HEATR1: variants seen among roughly 807,000 people sequenced by gnomAD.
HEATR1 encodes HEAT repeat containing 1.
Under a neutral mutation model 248.2 loss-of-function variants are expected in HEATR1, and 77 were observed. That is an observed-to-expected ratio of 0.31 (90% CI 0.26 to 0.37). HEATR1 has a LOEUF of 0.37. Among genes scored for constraint, HEATR1 ranks in the 10% least tolerant of loss-of-function variants. HEATR1 has a pLI of 1.00. For missense variants in HEATR1, 2,420 were observed against 2,504.9 expected (o/e 0.97, Z 0.72); for synonymous variants, 897 against 923.1 (o/e 0.97, Z 0.51).
rs752471097 is a variant in HEATR1, at chr1:236,550,989, A to G, written c.6348T>C (p.Asp2116=). The stretch of plus-strand genomic sequence containing the variant: ...ACTGATGTTCTACTTCTTCACATTC[A>G]TCTAAAAAAAAAAAAAAAAAATCAA... ...SIPFLAELME[D]ECEEVEHQCQ... Residue 2116 remains aspartate (D), a splice_region_variant and synonymous_variant, in exon 45 of 45, where the codon GAT becomes GAC. Transcript: ENST00000366582. The G allele has an allele frequency of 1.4e-6, 2 of 1,418,416 alleles. No homozygotes were observed. Among genetic ancestry groups the G allele is most frequent in the South Asian group, 1.3e-5 (1 of 77,442 alleles). 87.9% of individuals were successfully genotyped at this position (1,418,416 alleles called of 1,614,324 possible). A position where few individuals can be genotyped will look rare whatever the true frequency, so the allele number is the denominator to read the frequency against.
chr1:236,568,942 G>A (rs1044291816), intron 29 of HEATR1, 54 bp downstream of exon 29: 15 of 1,221,176 alleles, frequency 1.2e-5, no homozygotes, highest in African/African-American at 3.3e-5. Flanking sequence ...TCATTTATAT[G>A]CAAAATTTTT....
chr1:236,570,449 A>G (rs550063765), intron 28 of HEATR1, among the ~76,000 whole-genome samples: 108 of 152,118 alleles, frequency 7.1e-4, no homozygotes, highest in African/African-American at 2.3e-3. Flanking sequence ...GGTGGTGGTC[A>G]TGGTGGTGGT....
chr1:236,580,808 C>T lies in HEATR1; in HGVS notation c.2755+414G>A, dbSNP rs1223952158. On this transcript the variant is annotated intron_variant, in intron 20 of 44. Coordinates refer to ENST00000366582, the MANE Select transcript of HEATR1 (RefSeq NM_018072.6). ...CTGAGACTATAGGTGTAAGCCACCT[C>T]GCCTGGCCTTTATCGATTTTTTTTT... Among the ~76,000 whole-genome samples, 10 of 144,160 alleles carry T rather than the reference C, an allele frequency of 6.9e-5. No individual in the cohort carries two copies. The East Asian group carries it at 1.2e-3, about 17-fold the overall frequency. The allele number at this position is 144,160 out of a possible 152,430, so 94.6% of individuals were successfully genotyped here. A position where few individuals can be genotyped will look rare whatever the true frequency, so the allele number is the denominator to read the frequency against.
chr1:236,549,059 G>T lies in HEATR1; in HGVS notation c.*1843C>A. 2.5e-6 allele frequency: 1 copy of T among 398,488 alleles called. No individual in the cohort carries two copies. Among genetic ancestry groups the T allele is most frequent in the Admixed American group, 4.4e-5 (1 of 22,730 alleles). 24.7% of individuals were successfully genotyped at this position (398,488 alleles called of 1,614,324 possible). On this transcript the variant is annotated 3_prime_UTR_variant, in exon 45 of 45. Transcript: ENST00000366582. ...AAGTAAGGTCAGGATTAGACTTCAG[G>T]CATTCATAAGGCAGGCACTATCAGA... is the stretch of plus-strand genomic sequence containing the variant.
chr1:236,570,921 T>A (rs1389055296), intron 28 of HEATR1, among the ~76,000 whole-genome samples: 3 of 152,238 alleles, frequency 2.0e-5, no homozygotes, highest in Admixed American at 6.5e-5. Flanking sequence ...GGGACATGAT[T>A]TCTTTAAATG....
chr1:236,576,738 A>G, intron 21 of HEATR1, 42 bp downstream of exon 21: 1 of 1,554,426 alleles, frequency 6.4e-7, no homozygotes, highest in Non-Finnish European at 8.7e-7. Context: ...TCCAGTACAC[A>G]GAGGCATGAA....
chr1:236,570,036 T>C (rs1052393624), intron 28 of HEATR1, among the ~76,000 whole-genome samples: 14 of 152,060 alleles, frequency 9.2e-5, no homozygotes, highest in Non-Finnish European at 2.9e-5. Flanking sequence ...CGCCTGTAGT[T>C]CCAGCACTTT....
chr1:236,604,304 G>T (rs1489257054), intron 1 of HEATR1, 118 bp downstream of exon 1: 3 of 467,674 alleles, frequency 6.4e-6, no homozygotes, highest in Non-Finnish European at 1.1e-5. Flanking sequence ...TTACAGTAGC[G>T]GCGACCGCGC....
Position 236,572,841 on chromosome 1 carries a change from AG to A in HEATR1, c.3460-14del. ...CATTAACGGAAATCTGAAATATTGA[AG>A]GAAGAAGAGTTGATGATATAATCCA... On this transcript the variant is annotated splice_polypyrimidine_tract_variant and intron_variant, in intron 24 of 44. Coordinates refer to ENST00000366582, the MANE Select transcript of HEATR1 (RefSeq NM_018072.6). The A allele has an allele frequency of 1.9e-6, 3 of 1,600,734 alleles. No individual in the cohort carries two copies. The highest frequency in any genetic ancestry group is 2.6e-6 in the Non-Finnish European group (3 of 1,167,998).
At position 236,565,076 on chromosome 1, in the gene HEATR1, CACCACATAT is replaced by C. The variant is rs533328396; in HGVS notation, c.4436-424_4436-416del. On this transcript the variant is annotated intron_variant, in intron 31 of 44. Transcript: ENST00000366582. ...TGCTAAGACACTTCCTTACCCACATCACCACATATACCACATACACCACATACTGTCCAG... is the reference window on the plus strand; with the variant it reads ...TGCTAAGACACTTCCTTACCCACATCACCACATACACCACATACTGTCCAG... Among the ~76,000 whole-genome samples the C allele has an allele frequency of 2.0e-3, 302 of 152,308 alleles. 1 individual carries two copies. Among genetic ancestry groups the C allele is most frequent in the Non-Finnish European group, 3.3e-3 (224 of 68,026 alleles).
intron 4 of HEATR1, among the ~76,000 whole-genome samples, chr1:236,598,925 T>C (rs1043192633): frequency 6.6e-6 from 1 of 152,210 alleles, no homozygotes; most frequent in African/African-American, 2.4e-5. Flanking sequence ...AATAGCATGC[T>C]GTCTTTTCTT....
At chr1:236,555,694 C>G in intron 39 of HEATR1, 39 bp from the exon 40 acceptor site, 3 of 1,608,036 alleles carry the variant, frequency 1.9e-6, no homozygotes, top group Non-Finnish European at 2.6e-6. Context: ...GTGCTGATAC[C>G]TGACTGTAAA....
intron 3 of HEATR1, among the ~76,000 whole-genome samples, chr1:236,600,010 G>A (rs981877600): frequency 2.0e-5 from 3 of 151,314 alleles, no homozygotes; most frequent in East Asian, 3.9e-4. Flanking sequence ...CTCCCACCTA[G>A]GTCTCCTGAG....
intron 28 of HEATR1, among the ~76,000 whole-genome samples, chr1:236,570,468 T>C (rs1159532933): frequency 2.0e-5 from 3 of 151,930 alleles, no homozygotes; most frequent in Non-Finnish European, 4.4e-5. Flanking sequence ...GTGGTGGTGC[T>C]GGTGGTGACG....
chr1:236,595,190 A>G (rs2794752), intron 8 of HEATR1, among the ~76,000 whole-genome samples: 93,310 of 151,970 alleles, frequency 0.61, 30,412 homozygotes, highest in East Asian at 0.72. Flanking sequence ...GATATTCATT[A>G]TAAATGAATC....
chr1:236,582,257 A>G (rs1013857901), intron 19 of HEATR1, among the ~76,000 whole-genome samples: 2 of 151,590 alleles, frequency 1.3e-5, no homozygotes, highest in Non-Finnish European at 2.9e-5. Flanking sequence ...GGAGCCCGCC[A>G]CCACACCCGG....
rs1197587030 is a variant in HEATR1 at position 236,555,961 on chromosome 1, G to C, written c.5515-22C>G. On this transcript the variant is annotated intron_variant, in intron 38 of 44. Coordinates refer to ENST00000366582, the MANE Select transcript of HEATR1 (RefSeq NM_018072.6). ...GATTCTACCAATAACACAGGAAAGAGATGTGCCATTTTCAAATGATTCCTA... is the reference window on the plus strand; with the variant it reads ...GATTCTACCAATAACACAGGAAAGACATGTGCCATTTTCAAATGATTCCTA... 3 of 1,612,424 alleles carry C rather than the reference G, an allele frequency of 1.9e-6. No individual in the cohort carries two copies. In the Admixed American group the frequency reaches 5.0e-5, roughly 27 times the overall value.
intron 41 of HEATR1, among the ~76,000 whole-genome samples, 178 bp downstream of exon 41, chr1:236,555,118 C>G (rs568717792): frequency 2.6e-5 from 4 of 152,204 alleles, no homozygotes; most frequent in Admixed American, 6.5e-5. Context: ...AACATTCGCT[C>G]ATGATGCTAA....
chr1:236,563,151 T>C (rs1663176730), intron 32 of HEATR1, among the ~76,000 whole-genome samples: 1 of 152,270 alleles, frequency 6.6e-6, no homozygotes, highest in African/African-American at 2.4e-5. Flanking sequence ...TCCCTGACTG[T>C]AGCAGGCACA....
Sources: gnomAD v4.1 joint callset for allele counts (sites outside exome capture counted in the v4.1 genomes callset) on GRCh38, gnomAD v4.1.1 for gene constraint, MANE v1.5 for transcripts, NCBI Gene and HGNC (gene_info 2026-07-23, HGNC 2026-07-21) for gene names.